The following CHST13 variants were observed in gnomAD, a reference collection of about 807,000 sequenced individuals.
The protein encoded by CHST13 is C4ST-3.
CHST13 carries 1 observed loss-of-function variant against 7.0 expected under a neutral mutation model. The ratio of observed to expected loss-of-function variants is 0.14; its 90% CI spans 0.05 to 0.68. The LOEUF (loss-of-function observed/expected upper bound fraction) is 0.68. Among genes scored for constraint, CHST13 ranks in the 30% least tolerant of loss-of-function variants. The pLI, the probability that CHST13 is intolerant of heterozygous loss-of-function variation, is 0.82. For missense variants in CHST13, 572 were observed against 507.9 expected, an observed-to-expected ratio of 1.13 and a Z score of -1.21; for synonymous variants, 257 against 240.9, an observed-to-expected ratio of 1.07 and a Z score of -0.62.
chr3:126,529,383 C>A, intron 1 of CHST13: 1 of 1,289,164 alleles, frequency 7.8e-7, no homozygotes, highest in Middle Eastern at 2.1e-4. Flanking sequence ...CTACGGATGC[C>A]GCAAGGGGGG....
chr3:126,534,493 C>T (rs1936722541), intron 1 of CHST13, among the ~76,000 whole-genome samples: 2 of 150,918 alleles, frequency 1.3e-5, no homozygotes, highest in South Asian at 2.1e-4. Context: ...TCCTTGTCCT[C>T]AGCTAGCAGA....
intron 2 of CHST13, among the ~76,000 whole-genome samples, chr3:126,540,041 CCACA>C (rs1936923043): frequency 6.8e-6 from 1 of 146,276 alleles, no homozygotes; most frequent in Admixed American, 6.9e-5. Context: ...ACACCACACA[CCACA>C]CAGAGACATC....
At position 126,541,618 on chromosome 3, in the gene CHST13, G is replaced by A. The variant is rs899074449; in HGVS notation, c.181-115G>A. The A allele has an allele frequency of 3.0e-6, 3 of 1,007,050 alleles. No homozygotes were observed. In the South Asian group the frequency reaches 5.7e-5, roughly 19 times the overall value. The allele number at this position is 1,007,050 out of a possible 1,614,324, so 62.4% of individuals were successfully genotyped here. A position where few individuals can be genotyped will look rare whatever the true frequency, so the allele number is the denominator to read the frequency against. ...ACAGCCCTGGGGTTCGAATTTGGGTGCCCGGCGCAGCTCCTGCTCCCAATT... is the reference window on the plus strand; with the variant it reads ...ACAGCCCTGGGGTTCGAATTTGGGTACCCGGCGCAGCTCCTGCTCCCAATT... On this transcript the variant is annotated intron_variant, in intron 2 of 2. Transcript: ENST00000319340.
At chr3:126,536,242 T>C in intron 1 of CHST13, 29 bp from the exon 2 acceptor site, 1 of 1,602,894 alleles carries the variant, frequency 6.2e-7, no homozygotes, top group Non-Finnish European at 8.5e-7. Context: ...TCTGATATGG[T>C]GGCGACATCT....
At position 126,541,990 on chromosome 3, in the gene CHST13, T is replaced by A. The variant is rs745985936; in HGVS notation, c.438T>A (p.Pro146=). The A allele has an allele frequency of 8.3e-6, 13 of 1,564,264 alleles. No individual in the cohort carries two copies. Among genetic ancestry groups the A allele is most frequent in the Middle Eastern group, 1.7e-4 (1 of 5,912 alleles). Residue 146 remains proline, a synonymous_variant, in exon 3 of 3, where the codon CCT becomes CCA. Coordinates refer to ENST00000319340, the MANE Select transcript of CHST13 (RefSeq NM_152889.3). ...TCTCCGCGCAAGAGGCGCACGCGCC[T>A]GGCCGCCTGCCCTCACTGGCCGACT... The part of the protein sequence containing the change: ...RAISAQEAHA[P]GRLPSLADFS...
chr3:126,528,538 G>A (rs928413759), intron 1 of CHST13, among the ~76,000 whole-genome samples: 6 of 152,176 alleles, frequency 3.9e-5, no homozygotes, highest in Non-Finnish European at 8.8e-5. Flanking sequence ...AAGGTGGGGC[G>A]AGGAGAAATA....
At chr3:126,534,188 T>C (rs1936714513) in intron 1 of CHST13, among the ~76,000 whole-genome samples, 1 of 152,254 alleles carries the variant, frequency 6.6e-6, no homozygotes, top group Non-Finnish European at 1.5e-5. Context: ...TATTAGTTTA[T>C]TAATATGCAT....
intron 2 of CHST13, 61 bp from the exon 3 acceptor site, chr3:126,541,672 A>G: frequency 7.4e-7 from 1 of 1,353,358 alleles, no homozygotes; most frequent in Non-Finnish European, 9.6e-7. Flanking sequence ...GGGCAGCGCC[A>G]GAGTCAGGGA....
At chr3:126,532,031 C>A (rs578043247) in intron 1 of CHST13, among the ~76,000 whole-genome samples, 1 of 152,166 alleles carries the variant, frequency 6.6e-6, no homozygotes, top group East Asian at 1.9e-4. Context: ...AGTGATGTTG[C>A]GCACCTTTTC....
chr3:126,536,307 G>T lies in CHST13; in HGVS notation c.134G>T (p.Gly45Val). The change falls in exon 2 of 3, where the codon GGT (glycine) becomes GTT (valine). Residue 45 changes from glycine to valine, a missense_variant. Gly to Val is a moderately radical substitution (Grantham distance 109, BLOSUM62 -3). Transcript: ENST00000319340. ...AGAGCCCTGGGCTCCAGCTGGCTTG[G>T]TGGGGAGAAGAGAAGCCCCCTGCAG... ...GNRALGSSWL[G>V]GEKRSPLQKL... 1 of 1,614,086 alleles carries T rather than the reference G, an allele frequency of 6.2e-7. No individual in the cohort carries two copies. The highest frequency in any genetic ancestry group is 8.5e-7 in the Non-Finnish European group (1 of 1,179,980).
chr3:126,524,816 A>C (rs988183682), intron 1 of CHST13, among the ~76,000 whole-genome samples: 1 of 152,264 alleles, frequency 6.6e-6, no homozygotes, highest in Non-Finnish European at 1.5e-5. Context: ...GCGCATGCGC[A>C]TAGGAGGGGA....
At chr3:126,529,284 C>A in intron 1 of CHST13, 1 of 1,278,132 alleles carries the variant, frequency 7.8e-7, no homozygotes, top group African/African-American at 1.5e-5. Context: ...GTCCTGTGTG[C>A]AGCAATCGCA....
chr3:126,539,896 A>ACACACCACACC (rs1560142802), intron 2 of CHST13, among the ~76,000 whole-genome samples: 1 of 2,662 alleles, frequency 3.8e-4, no homozygotes, highest in Non-Finnish European at 6.6e-4. Context: ...CACACCACAC[A>ACACACCACACC]TACACCATAC....
intron 2 of CHST13, among the ~76,000 whole-genome samples, chr3:126,538,684 C>G (rs868842002): frequency 6.6e-6 from 1 of 152,186 alleles, no homozygotes; most frequent in Non-Finnish European, 1.5e-5. Flanking sequence ...CACAGCCTCT[C>G]CTGGCACCAT....
At chr3:126,529,505 G>A (rs1301374791) in intron 1 of CHST13, 6 of 720,726 alleles carry the variant, frequency 8.3e-6, no homozygotes, top group Admixed American at 3.3e-5. Context: ...CAGCAAGGAA[G>A]CTGTGAGGCC....
intron 2 of CHST13, 89 bp from the exon 3 acceptor site, chr3:126,541,644 C>A: frequency 8.0e-7 from 1 of 1,251,106 alleles, no homozygotes; most frequent in South Asian, 1.7e-5. Flanking sequence ...GCTCCCAATT[C>A]CCGGGCGCAT....
chr3:126,528,747 T>G (rs1199992835), intron 1 of CHST13, among the ~76,000 whole-genome samples: 1 of 152,016 alleles, frequency 6.6e-6, no homozygotes, highest in Non-Finnish European at 1.5e-5. Flanking sequence ...GTTCAGCAAA[T>G]GGAGTTTGAA....
chr3:126,527,333 T>G (rs2107561308), intron 1 of CHST13: 1 of 152,374 alleles, frequency 6.6e-6, no homozygotes, highest in South Asian at 2.1e-4. Flanking sequence ...TCTGTGCCTG[T>G]GACTGAAAAG....
chr3:126,542,357 A>G lies in CHST13; in HGVS notation c.805A>G (p.Thr269Ala). 1 of 1,565,854 alleles carries G rather than the reference A, an allele frequency of 6.4e-7. No homozygotes were observed. The highest frequency in any genetic ancestry group is 8.6e-7 in the Non-Finnish European group (1 of 1,157,610). ...CTACGACGTCGTGGGCAAGTTCGAGACGCTGGCGGAGGACGCGGCCTTCGT... is the reference window on the plus strand; with the variant it reads ...CTACGACGTCGTGGGCAAGTTCGAGGCGCTGGCGGAGGACGCGGCCTTCGT... ...LRYDVVGKFETLAEDAAFVLG... is the reference protein window; with the variant it reads ...LRYDVVGKFEALAEDAAFVLG... Residue 269 changes from threonine to alanine, a missense_variant, in exon 3 of 3, where the codon ACG (threonine) becomes GCG (alanine). Physicochemically the swap from Thr to Ala is moderately conservative, Grantham distance 58 (BLOSUM62 0). Transcript: ENST00000319340.
Sources: gnomAD v4.1 joint callset for allele counts (sites outside exome capture counted in the v4.1 genomes callset) on GRCh38, gnomAD v4.1.1 for gene constraint, MANE v1.5 for transcripts, NCBI Gene and HGNC (gene_info 2026-07-23, HGNC 2026-07-21) for gene names.